SLC38A1: variants seen among roughly 807,000 people sequenced by gnomAD.
The protein encoded by SLC38A1 is sodium-coupled neutral amino acid symporter 1.
SLC38A1 carries 18 observed loss-of-function variants against 60.3 expected under a neutral mutation model. That is an observed-to-expected ratio of 0.30 (90% CI 0.21 to 0.44). The LOEUF is 0.44. Among genes scored for constraint, SLC38A1 ranks in the 20% least tolerant of loss-of-function variants. The pLI is 1.00. For missense variants in SLC38A1, 448 were observed against 587.2 expected, an observed-to-expected ratio of 0.76 and a Z score of 2.45; for synonymous variants, 196 against 212.1, an observed-to-expected ratio of 0.92 and a Z score of 0.66.
In SLC38A1 at chr12:46,207,689, T is replaced by C. The variant is rs1939972346; in HGVS notation, c.389-68A>G. 6 of 1,436,162 alleles carry C rather than the reference T, an allele frequency of 4.2e-6. No homozygotes were observed. The Admixed American group carries it at 1.0e-4, about 24-fold the overall frequency. 89.0% of individuals were successfully genotyped at this position (1,436,162 alleles called of 1,614,324 possible). On this transcript the variant is annotated intron_variant, in intron 6 of 16. Coordinates refer to ENST00000398637, the MANE Select transcript of SLC38A1 (RefSeq NM_030674.4). Reference sequence around the variant, plus strand: ...TCAGAAAGTTAAAATAGTCAAGATTTTGTCATTCTATTGACTGTTCCCCAA... The same window carrying C: ...TCAGAAAGTTAAAATAGTCAAGATTCTGTCATTCTATTGACTGTTCCCCAA...
At chr12:46,213,544 T>A (rs1262241944) in intron 5 of SLC38A1, among the ~76,000 whole-genome samples, 1 of 152,236 alleles carries the variant, frequency 6.6e-6, no homozygotes, top group East Asian at 1.9e-4. Flanking sequence ...TCCAGCCAAC[T>A]GCTTGAAGCC....
chr12:46,225,492 T>C (rs1250307308), intron 5 of SLC38A1, among the ~76,000 whole-genome samples: 5 of 152,170 alleles, frequency 3.3e-5, no homozygotes, highest in African/African-American at 1.2e-4. Context: ...GGGATAATCA[T>C]TCCAGCCCTT....
intron 13 of SLC38A1, among the ~76,000 whole-genome samples, chr12:46,199,111 G>A (rs1939521564): frequency 6.6e-6 from 1 of 152,020 alleles, no homozygotes; most frequent in Admixed American, 6.6e-5. Context: ...AACTGCCACA[G>A]GCTTGCTCAG....
At chr12:46,204,438 A>G in intron 10 of SLC38A1, 21 bp from the exon 11 acceptor site, 2 of 1,595,706 alleles carry the variant, frequency 1.3e-6, no homozygotes, top group Non-Finnish European at 1.7e-6. Flanking sequence ...GAAGTATAGT[A>G]GAAGCAATAT....
intron 1 of SLC38A1, among the ~76,000 whole-genome samples, chr12:46,263,713 A>G (rs960823745): frequency 2.0e-5 from 2 of 101,200 alleles, no homozygotes; most frequent in South Asian, 3.1e-4. Flanking sequence ...TAAGAGATGG[A>G]AACTGAGATC....
intron 3 of SLC38A1, among the ~76,000 whole-genome samples, chr12:46,231,173 T>G (rs1941063055): frequency 6.6e-6 from 1 of 152,164 alleles, no homozygotes; most frequent in East Asian, 1.9e-4. Flanking sequence ...GCTGAAGGTC[T>G]ATATGAAATG....
rs1431897000 is a variant in SLC38A1, at chr12:46,186,394, G to C, written c.*2576C>G. Reference sequence around the variant, plus strand: ...AAAACGTGCTGCTCCCCATGCCTAGGGTATAGTATTCTTTAATCTACTAAT... The same window carrying C: ...AAAACGTGCTGCTCCCCATGCCTAGCGTATAGTATTCTTTAATCTACTAAT... On this transcript the variant is annotated 3_prime_UTR_variant, in exon 17 of 17. Coordinates refer to ENST00000398637, the MANE Select transcript of SLC38A1 (RefSeq NM_030674.4). The C allele has an allele frequency of 2.6e-5, 4 of 152,044 alleles. No individual in the cohort carries two copies. Among genetic ancestry groups the C allele is most frequent in the Non-Finnish European group, 5.9e-5 (4 of 68,010 alleles). The allele number at this position is 152,044 out of a possible 1,614,324, so 9.4% of individuals were successfully genotyped here. A position where few individuals can be genotyped will look rare whatever the true frequency, so the allele number is the denominator to read the frequency against.
In SLC38A1 at chr12:46,204,286, G is replaced by A. The variant is rs765322187; in HGVS notation, c.822+15C>T. ...AAAAATGCTTGTTTCATCTGCAAAG[G>A]ATCAGGAAACTTACCTTTGAATTGA... On this transcript the variant is annotated intron_variant, in intron 11 of 16. Coordinates refer to ENST00000398637, the MANE Select transcript of SLC38A1 (RefSeq NM_030674.4). 2 of 1,487,856 alleles carry A rather than the reference G, an allele frequency of 1.3e-6. No homozygotes were observed. The highest frequency in any genetic ancestry group is 1.9e-6 in the Non-Finnish European group (2 of 1,065,364). The allele number at this position is 1,487,856 out of a possible 1,614,324, so 92.2% of individuals were successfully genotyped here. A position where few individuals can be genotyped will look rare whatever the true frequency, so the allele number is the denominator to read the frequency against.
rs1939439770 is a variant in SLC38A1 at position 46,197,574 on chromosome 12, A to C, written c.1362+146T>G. The C allele has an allele frequency of 1.9e-5, 12 of 625,292 alleles. No individual in the cohort carries two copies. In the South Asian group the frequency reaches 2.1e-4, roughly 11 times the overall value. 38.7% of individuals were successfully genotyped at this position (625,292 alleles called of 1,614,324 possible). Reference sequence around the variant, plus strand: ...GAGAAGATTCTGATATGATATTTTAAATATCTCCCAAGTAGCAAAGCTACA... The same window carrying C: ...GAGAAGATTCTGATATGATATTTTACATATCTCCCAAGTAGCAAAGCTACA... On this transcript the variant is annotated intron_variant, in intron 16 of 16. Transcript: ENST00000398637.
intron 16 of SLC38A1, among the ~76,000 whole-genome samples, chr12:46,195,475 A>T (rs79892692): frequency 0.011 from 1,620 of 152,274 alleles, 40 homozygotes; most frequent in African/African-American, 0.037. Context: ...CTCTCTTTAG[A>T]GCCATCAGAC....
chr12:46,266,445 C>T (rs1320319578), intron 1 of SLC38A1, among the ~76,000 whole-genome samples: 2 of 151,926 alleles, frequency 1.3e-5, no homozygotes, highest in Non-Finnish European at 2.9e-5. Context: ...GCAATAAGTA[C>T]TTGCTGTTCC....
intron 16 of SLC38A1, among the ~76,000 whole-genome samples, chr12:46,191,718 G>A (rs1174568347): frequency 6.6e-6 from 1 of 152,130 alleles, no homozygotes; most frequent in Non-Finnish European, 1.5e-5. Flanking sequence ...TTTCACTCAT[G>A]ATCGGCTGTT....
intron 16 of SLC38A1, among the ~76,000 whole-genome samples, chr12:46,190,681 G>A (rs1348843986): frequency 6.6e-6 from 1 of 152,210 alleles, no homozygotes; most frequent in African/African-American, 2.4e-5. Flanking sequence ...TTTCTCTGAT[G>A]ACCAGTGATG....
At position 46,204,344 on chromosome 12, in the gene SLC38A1, T is replaced by A. The variant is rs1407734282; in HGVS notation, c.779A>T (p.Asn260Ile). ...LNSTISANST[N>I]ADTCTPKYVT... Reference sequence around the variant, plus strand: ...ATATTTTGGCGTACACGTGTCAGCATTTGTTGAATTAGCACTTATTGTTGA... The same window carrying A: ...ATATTTTGGCGTACACGTGTCAGCAATTGTTGAATTAGCACTTATTGTTGA... Residue 260 changes from asparagine (N) to isoleucine (I), a missense_variant, in exon 11 of 17, where the codon AAT becomes ATT. Coordinates refer to ENST00000398637, the MANE Select transcript of SLC38A1 (RefSeq NM_030674.4). 2 of 1,613,772 alleles carry A rather than the reference T, an allele frequency of 1.2e-6. No individual in the cohort carries two copies. The highest frequency in any genetic ancestry group is 1.7e-6 in the Non-Finnish European group (2 of 1,179,740).
chr12:46,188,622 A>G lies in SLC38A1; in HGVS notation c.*348T>C, dbSNP rs979639809. 3 of 169,836 alleles carry G rather than the reference A, an allele frequency of 1.8e-5. No individual in the cohort carries two copies. The highest frequency in any genetic ancestry group is 3.8e-5 in the Non-Finnish European group (3 of 79,218). 10.5% of individuals were successfully genotyped at this position (169,836 alleles called of 1,614,324 possible). On this transcript the variant is annotated 3_prime_UTR_variant, in exon 17 of 17. Coordinates refer to ENST00000398637, the MANE Select transcript of SLC38A1 (RefSeq NM_030674.4). ...AATTATTTCAGAATCTGGATGTATA[A>G]TAAATAAACATTATTGTATATCATG...
In SLC38A1 at chr12:46,239,897, A is replaced by C; in HGVS notation, c.-93-4T>G. 9.4e-7 allele frequency: 1 copy of C among 1,061,488 alleles called. No individual in the cohort carries two copies. The highest frequency in any genetic ancestry group is 1.4e-6 in the Non-Finnish European group (1 of 732,012). 65.8% of individuals were successfully genotyped at this position (1,061,488 alleles called of 1,614,324 possible). ...CCAAAATGGAAGCTTGACACCCCTAAAATATAGCAAAATAAAAAAATAACT... is the reference window on the plus strand; with the variant it reads ...CCAAAATGGAAGCTTGACACCCCTACAATATAGCAAAATAAAAAAATAACT... On this transcript the variant is annotated splice_region_variant and splice_polypyrimidine_tract_variant and intron_variant, in intron 2 of 16. Coordinates refer to ENST00000398637, the MANE Select transcript of SLC38A1 (RefSeq NM_030674.4).
At position 46,189,091 on chromosome 12, in the gene SLC38A1, AG is replaced by A; in HGVS notation, c.1363-21del. The A allele has an allele frequency of 6.2e-7, 1 of 1,609,050 alleles. No homozygotes were observed. Among genetic ancestry groups the A allele is most frequent in the East Asian group, 2.2e-5 (1 of 44,766 alleles). On this transcript the variant is annotated intron_variant, in intron 16 of 16. Transcript: ENST00000398637. ...GGCAGCCTGGAGCAAGAGAAAGGCA[AG>A]GGTTATTTTCAGTGCAGCAAAATTT...
At chr12:46,245,828 A>G (rs994237134) in intron 1 of SLC38A1, among the ~76,000 whole-genome samples, 1 of 151,942 alleles carries the variant, frequency 6.6e-6, no homozygotes, top group African/African-American at 2.4e-5. Context: ...CCACCCCCAA[A>G]TGGGCCACTG....
intron 5 of SLC38A1, among the ~76,000 whole-genome samples, chr12:46,226,671 T>C (rs7975060): frequency 0.16 from 23,081 of 145,306 alleles, 3,589 homozygotes; most frequent in East Asian, 0.47. Context: ...GTCCCCCAGG[T>C]TGGACACAAT....
Sources: allele counts gnomAD v4.1 joint callset (sites outside exome capture counted in the v4.1 genomes callset), GRCh38; gene constraint gnomAD v4.1.1; transcripts MANE v1.5; gene names NCBI Gene and HGNC (gene_info 2026-07-23, HGNC 2026-07-21).